CACNA1B: variants seen among roughly 807,000 people sequenced by gnomAD.
CACNA1B encodes the protein calcium voltage-gated channel subunit alpha1 B.
Under a neutral mutation model 247.2 loss-of-function variants are expected in CACNA1B, and 70 were observed. The ratio of observed to expected loss-of-function variants is 0.28; its 90% CI spans 0.23 to 0.35. CACNA1B has a LOEUF of 0.35. Ranked by LOEUF, CACNA1B falls within the 10% of genes least tolerant of loss-of-function variation. The pLI, the probability that CACNA1B is intolerant of heterozygous loss-of-function variation, is 1.00. For missense variants in CACNA1B, 2,367 were observed against 3,197.4 expected (o/e 0.74, Z 6.26); for synonymous variants, 1,231 against 1,294.4 (o/e 0.95, Z 1.05).
At chr9:137,951,660 G>A (rs1012885517) in intron 6 of CACNA1B, among the ~76,000 whole-genome samples, 3 of 152,224 alleles carry the variant, frequency 2.0e-5, no homozygotes, top group African/African-American at 7.2e-5. Context: ...ACCCTTTTGT[G>A]GGCTGTGCTA....
intron 5 of CACNA1B, among the ~76,000 whole-genome samples, chr9:137,915,573 C>T (rs901272539): frequency 3.3e-5 from 5 of 151,852 alleles, no homozygotes; most frequent in African/African-American, 1.2e-4. Flanking sequence ...ACCTATAGTC[C>T]CAGCACTTTT....
rs547002898 is a variant in CACNA1B, at chr9:138,097,563, C to T, written c.5222+952C>T. ...AGGCCTGCTAGCACCTCACTCACAG[C>T]GTGTGCCCGGGAAATGATCGTGGAT... On this transcript the variant is annotated intron_variant, in intron 37 of 46. Coordinates refer to ENST00000371372, the MANE Select transcript of CACNA1B (RefSeq NM_000718.4). 2.5e-4 allele frequency among the ~76,000 whole-genome samples: 38 copies of T among 152,362 alleles called. 1 individual carries two copies. The South Asian group carries it at 7.7e-3, about 31-fold the overall frequency.
At chr9:138,112,529 C>A in intron 40 of CACNA1B, 24 bp downstream of exon 40, 2 of 1,432,448 alleles carry the variant, frequency 1.4e-6, no homozygotes, top group Non-Finnish European at 2.0e-6. Flanking sequence ...TGAGAAATGC[C>A]CCCAGCCCCC....
In CACNA1B at chr9:138,118,098, G is replaced by T. The variant is rs529663330; in HGVS notation, c.5913+17G>T. 2.6e-6 allele frequency: 4 copies of T among 1,529,660 alleles called. No individual in the cohort carries two copies. The highest frequency in any genetic ancestry group is 1.5e-5 in the African/African-American group (1 of 67,604). The allele number at this position is 1,529,660 out of a possible 1,614,324, so 94.8% of individuals were successfully genotyped here. On this transcript the variant is annotated intron_variant, in intron 43 of 46. Transcript: ENST00000371372. Reference sequence around the variant, plus strand: ...GGAGCACTGGTGAGCACTCCCGGGGGCTAGTGAGACTGGGTTGGGGGATGT... The same window carrying T: ...GGAGCACTGGTGAGCACTCCCGGGGTCTAGTGAGACTGGGTTGGGGGATGT...
At chr9:137,977,885 G>T (rs1278855837) in intron 12 of CACNA1B, among the ~76,000 whole-genome samples, 1 of 151,046 alleles carries the variant, frequency 6.6e-6, no homozygotes, top group Non-Finnish European at 1.5e-5. Context: ...CCCCCAGGAA[G>T]GAGTAACAGG....
chr9:138,027,911 A>T (rs12352126), intron 20 of CACNA1B, among the ~76,000 whole-genome samples: 27,908 of 151,418 alleles, frequency 0.18, 7,337 homozygotes, highest in African/African-American at 0.58. Flanking sequence ...ACATTTGAGG[A>T]TCATAAGGTT....
At position 137,986,902 on chromosome 9, in the gene CACNA1B, C is replaced by A. The variant is rs573318892; in HGVS notation, c.1974+48C>A. 7.1e-7 allele frequency: 1 copy of A among 1,407,042 alleles called. No homozygotes were observed. The highest frequency in any genetic ancestry group is 2.3e-5 in the East Asian group (1 of 43,786). The allele number at this position is 1,407,042 out of a possible 1,614,324, so 87.2% of individuals were successfully genotyped here. ...TTGCGGCCTGCCCGGCTCCCGTCTC[C>A]CCTGGGTGCTGGGAAGGCGGACTCT... On this transcript the variant is annotated intron_variant, in intron 15 of 46. Transcript: ENST00000371372. The surrounding 1 kb of genome is among the most constrained non-coding windows in gnomAD (Gnocchi z 6.0).
At chr9:137,965,694 G>T (rs569444341) in intron 10 of CACNA1B, among the ~76,000 whole-genome samples, 1 of 152,182 alleles carries the variant, frequency 6.6e-6, no homozygotes, top group East Asian at 1.9e-4. Context: ...TGCCTCCTGG[G>T]TTCAAACGAT....
Position 138,023,481 on chromosome 9 carries a change from A to G in CACNA1B, c.2738A>G (p.Glu913Gly). Residue 913 changes from glutamate (E) to glycine (G), a missense_variant, in exon 19 of 47, where the codon GAG becomes GGG. Physicochemically the swap from Glu to Gly is moderately conservative, Grantham distance 98 (BLOSUM62 -2). Around this residue, in one of 12 missense-constraint regions of CACNA1B, gnomAD observed 631 missense variants for 631.1 expected, o/e 1.00. Coordinates refer to ENST00000371372, the MANE Select transcript of CACNA1B (RefSeq NM_000718.4). ...RSERGRGPGP[E>G]GGRRHHRRGS... ...GAGCGCGGCCGAGGCCCAGGCCCCG[A>G]GGGCGGCCGGCGGCACCACCGGCGC... The G allele has an allele frequency of 8.8e-7, 1 of 1,136,448 alleles. No individual in the cohort carries two copies. 70.4% of individuals were successfully genotyped at this position (1,136,448 alleles called of 1,614,324 possible). A position where few individuals can be genotyped will look rare whatever the true frequency, so the allele number is the denominator to read the frequency against.
chr9:138,046,800 G>T, intron 21 of CACNA1B, 104 bp from the exon 22 acceptor site: 1 of 1,109,878 alleles, frequency 9.0e-7, no homozygotes, highest in Non-Finnish European at 1.3e-6. Flanking sequence ...AGCTTCCTGA[G>T]GCAGCCCAGA....
chr9:138,052,126 T>G lies in CACNA1B; in HGVS notation c.3745T>G (p.Ser1249Ala). Reference sequence around the variant, plus strand: ...AGGGAAAGACATCAATACCATCAAGTCTCTGAGAGTCCTTCGTGTCCTGCG... The same window carrying G: ...AGGGAAAGACATCAATACCATCAAGGCTCTGAGAGTCCTTCGTGTCCTGCG... ...SKGKDINTIK[S>A]LRVLRVLRPL... The change falls in exon 25 of 47, where the codon TCT becomes GCT. Residue 1249 changes from serine to alanine, a missense_variant. Around this residue, in one of 12 missense-constraint regions of CACNA1B, gnomAD observed 436 missense variants for 679.5 expected, o/e 0.64. Transcript: ENST00000371372. This position sits in a 1 kb window ranked among gnomAD's most constrained non-coding sequence, Gnocchi z 5.1. 6.2e-7 allele frequency: 1 copy of G among 1,612,070 alleles called. No individual in the cohort carries two copies. The highest frequency in any genetic ancestry group is 8.5e-7 in the Non-Finnish European group (1 of 1,178,476).
In CACNA1B at chr9:138,112,472, A is replaced by G; in HGVS notation, c.5503A>G (p.Lys1835Glu). The change falls in exon 40 of 47, where the codon AAG becomes GAG. Residue 1835 changes from lysine to glutamate, a missense_variant. Physicochemically the swap from Lys to Glu is moderately conservative, Grantham distance 56 (BLOSUM62 1). Transcript: ENST00000371372. Reference protein sequence around the residue: ...ISVVWANLPQKTLDLLVPPHK... With the variant: ...ISVVWANLPQETLDLLVPPHK... Reference sequence around the variant, plus strand: ...CGTTGTGTGGGCCAATCTGCCCCAGAAGACTTTGGACTTGCTGGTACCACC... The same window carrying G: ...CGTTGTGTGGGCCAATCTGCCCCAGGAGACTTTGGACTTGCTGGTACCACC... The G allele has an allele frequency of 6.2e-7, 1 of 1,613,038 alleles. No homozygotes were observed.
chr9:138,037,543 C>T (rs1020146457), intron 20 of CACNA1B, among the ~76,000 whole-genome samples: 9 of 152,216 alleles, frequency 5.9e-5, no homozygotes, highest in African/African-American at 2.2e-4. Flanking sequence ...CCTGTAATTC[C>T]AGCTATTCAG....
intron 21 of CACNA1B, among the ~76,000 whole-genome samples, chr9:138,044,719 C>T (rs1564255838): frequency 6.6e-6 from 1 of 152,194 alleles, no homozygotes; most frequent in Non-Finnish European, 1.5e-5. Context: ...GGGCAGAGGG[C>T]AGCAAGGCTG....
intron 18 of CACNA1B, among the ~76,000 whole-genome samples, chr9:138,015,655 G>A (rs1342158644): frequency 1.3e-5 from 2 of 152,234 alleles, no homozygotes; most frequent in African/African-American, 4.8e-5. Context: ...GACTTGGGGT[G>A]TCCTTGGTGT....
chr9:137,884,686 G>A (rs1441830870), intron 3 of CACNA1B, among the ~76,000 whole-genome samples: 1 of 151,896 alleles, frequency 6.6e-6, no homozygotes, highest in African/African-American at 2.4e-5. Context: ...GTGCTGGGGG[G>A]TGCGGGCCAG....
rs1372777991 is a variant in CACNA1B at position 138,023,823 on chromosome 9, G to T, written c.3068+12G>T. On this transcript the variant is annotated intron_variant, in intron 19 of 46. Transcript: ENST00000371372. Reference sequence around the variant, plus strand: ...AACCACCAGCCCCGGTGAGTCCGCGGCTGGGCGGGGTCAGGGAGGGAAGGG... The same window carrying T: ...AACCACCAGCCCCGGTGAGTCCGCGTCTGGGCGGGGTCAGGGAGGGAAGGG... 1.6e-6 allele frequency: 2 copies of T among 1,274,704 alleles called. No individual in the cohort carries two copies. Among genetic ancestry groups the T allele is most frequent in the African/African-American group, 3.0e-5 (2 of 67,444 alleles). The allele number at this position is 1,274,704 out of a possible 1,614,324, so 79.0% of individuals were successfully genotyped here.
chr9:137,918,486 G>A (rs1196586591), intron 6 of CACNA1B, among the ~76,000 whole-genome samples: 1 of 152,172 alleles, frequency 6.6e-6, no homozygotes, highest in Non-Finnish European at 1.5e-5. Context: ...ACTAGAGGAT[G>A]TGTTCCCCTC....
At chr9:137,933,460 T>C (rs771882731) in intron 6 of CACNA1B, among the ~76,000 whole-genome samples, 4 of 152,188 alleles carry the variant, frequency 2.6e-5, no homozygotes, top group Non-Finnish European at 5.9e-5. Flanking sequence ...GGGCCCCAAA[T>C]TGGTTTCTGA....
Sources: gnomAD v4.1 joint callset for allele counts (sites outside exome capture counted in the v4.1 genomes callset) on GRCh38, gnomAD v4.1.1 for gene constraint, gnomAD v4.1.1 regional missense constraint, Gnocchi (gnomAD v3.1) non-coding constraint, MANE v1.5 for transcripts, NCBI Gene and HGNC (gene_info 2026-07-23, HGNC 2026-07-21) for gene names.